Variants in METTL4 observed in about 807,000 individuals in gnomAD.
The protein encoded by METTL4 is methyltransferase 4, N6-adenosine.
A neutral mutation model predicts 54.0 loss-of-function variants in METTL4; 40 were observed. The ratio of observed to expected loss-of-function variants is 0.74; its 90% CI spans 0.58 to 0.96. The LOEUF (loss-of-function observed/expected upper bound fraction) is 0.96. Among genes scored for constraint, METTL4 ranks in the 50% least tolerant of loss-of-function variants. METTL4 has a pLI of 0.00. For synonymous variants in METTL4, 169 were observed against 183.8 expected (o/e 0.92, Z 0.65); for missense variants, 525 against 549.0 (o/e 0.96, Z 0.44).
chr18:2,545,260 C>T (rs1165503471), intron 6 of METTL4, among the ~76,000 whole-genome samples: 1 of 152,034 alleles, frequency 6.6e-6, no homozygotes, highest in Non-Finnish European at 1.5e-5. Context: ...CTACTCTTAA[C>T]TAAAATTGAT....
intron 5 of METTL4, among the ~76,000 whole-genome samples, chr18:2,549,406 A>G (rs2072118722): frequency 6.6e-6 from 1 of 152,152 alleles, no homozygotes; most frequent in Non-Finnish European, 1.5e-5. Context: ...AGAGGAGAGG[A>G]AAAGGTGTGG....
At chr18:2,559,867 CTGGGGTTA>C (rs1364055088) in intron 3 of METTL4, among the ~76,000 whole-genome samples, 7 of 152,112 alleles carry the variant, frequency 4.6e-5, no homozygotes, top group Middle Eastern at 3.2e-3. Flanking sequence ...TCCCAAGTAG[CTGGGGTTA>C]TAGGTGCCCA....
At chr18:2,539,899 A>G in intron 8 of METTL4, 1 of 952,958 alleles carries the variant, frequency 1.0e-6, no homozygotes, top group Non-Finnish European at 1.2e-6. Flanking sequence ...CTTTAATAAA[A>G]TAATAATAAA....
chr18:2,540,614 T>A, intron 8 of METTL4: 1 of 985,410 alleles, frequency 1.0e-6, no homozygotes, highest in Non-Finnish European at 1.2e-6. Flanking sequence ...TAGGAGATAC[T>A]GGCACGAAGG....
At chr18:2,546,904 C>T (rs992414055) in intron 6 of METTL4, among the ~76,000 whole-genome samples, 1 of 152,120 alleles carries the variant, frequency 6.6e-6, no homozygotes, top group Non-Finnish European at 1.5e-5. Flanking sequence ...TTCCCATCCC[C>T]TCTACAATGG....
In METTL4 at chr18:2,552,682, C is replaced by T. The variant is rs2072179902; in HGVS notation, c.899+13G>A. On this transcript the variant is annotated intron_variant, in intron 5 of 8. Coordinates refer to ENST00000574538, the MANE Select transcript of METTL4 (RefSeq NM_022840.5). ...AGTTTTTTTAGAAAGCAAATGCTTT[C>T]ATTTCCACTTACCTATTACTTCTTT... is the stretch of plus-strand genomic sequence containing the variant. 6.3e-7 allele frequency: 1 copy of T among 1,592,022 alleles called. No homozygotes were observed. Among genetic ancestry groups the T allele is most frequent in the Admixed American group, 1.7e-5 (1 of 59,380 alleles).
Position 2,554,738 on chromosome 18 carries a change from T to C in METTL4, c.760A>G (p.Lys254Glu). The C allele has an allele frequency of 6.2e-7, 1 of 1,612,776 alleles. No homozygotes were observed. Among genetic ancestry groups the C allele is most frequent in the Non-Finnish European group, 8.5e-7 (1 of 1,179,570 alleles). Residue 254 changes from lysine to glutamate, a missense_variant, in exon 4 of 9, where the codon AAA becomes GAA. Lys to Glu is a moderately conservative substitution (Grantham distance 56). Coordinates refer to ENST00000574538, the MANE Select transcript of METTL4 (RefSeq NM_022840.5). The part of the protein sequence containing the change: ...FTKVITLMGQ[K>E]YLLPPKSSFL... ...CTGCTTTTCGGTGGTAGCAGGTATTTCTGTCCCATTAAAGTAATCACTTTT... is the reference window on the plus strand; with the variant it reads ...CTGCTTTTCGGTGGTAGCAGGTATTCCTGTCCCATTAAAGTAATCACTTTT...
chr18:2,563,807 T>C lies in METTL4; in HGVS notation c.449A>G (p.Tyr150Cys). ...ACATTTTACACTTACCTTTGTATGG[T>C]ATTCCATAGCATCCAATTCACCTTG... is the stretch of plus-strand genomic sequence containing the variant. The part of the protein sequence containing the change: ...FNQGELDAME[Y>C]HTKIRELILD... Residue 150 changes from tyrosine to cysteine, a missense_variant, in exon 3 of 9, where the codon TAC becomes TGC. By Grantham distance (194) the Tyr-to-Cys change is radical (BLOSUM62 -2). Transcript: ENST00000574538. 1 of 1,608,822 alleles carries C rather than the reference T, an allele frequency of 6.2e-7. No homozygotes were observed. Among genetic ancestry groups the C allele is most frequent in the South Asian group, 1.1e-5 (1 of 90,268 alleles).
At chr18:2,565,777 A>G (rs1248814366) in intron 2 of METTL4, among the ~76,000 whole-genome samples, 1 of 152,142 alleles carries the variant, frequency 6.6e-6, no homozygotes, top group East Asian at 1.9e-4. Flanking sequence ...ATCACTAAAA[A>G]AGAAAATGTT....
intron 2 of METTL4, 71 bp downstream of exon 2, chr18:2,566,750 T>G: frequency 8.1e-7 from 1 of 1,237,660 alleles, no homozygotes; most frequent in Non-Finnish European, 1.1e-6. Context: ...CACCAGATAT[T>G]TAAGACATTT....
intron 5 of METTL4, among the ~76,000 whole-genome samples, chr18:2,549,819 TAAAAAAAA>T: frequency 1.3e-5 from 1 of 79,066 alleles, no homozygotes; most frequent in South Asian, 5.6e-4. Flanking sequence ...CCATCTCTAC[TAAAAAAAA>T]AAAAAAAAAA....
chr18:2,565,612 T>C (rs1285479781), intron 2 of METTL4, among the ~76,000 whole-genome samples: 1 of 152,210 alleles, frequency 6.6e-6, no homozygotes, highest in East Asian at 1.9e-4. Context: ...CTTATTCTAA[T>C]TCTCAACAAA....
At chr18:2,542,254 G>A (rs565233627) in intron 8 of METTL4, among the ~76,000 whole-genome samples, 108 of 151,160 alleles carry the variant, frequency 7.1e-4, no homozygotes, top group African/African-American at 2.5e-3. Flanking sequence ...TGTGCACATT[G>A]TGCAGGTTAG....
intron 4 of METTL4, chr18:2,554,326 T>C (rs765804215): frequency 2.5e-5 from 5 of 203,660 alleles, no homozygotes; most frequent in Admixed American, 1.8e-4. Flanking sequence ...GATGTGGGAA[T>C]TGATATTCAT....
intron 3 of METTL4, among the ~76,000 whole-genome samples, chr18:2,557,754 G>C (rs1029673302): frequency 6.6e-6 from 1 of 152,182 alleles, no homozygotes; most frequent in Non-Finnish European, 1.5e-5. Context: ...GGGAGCCTGT[G>C]AGCATAAAGC....
intron 7 of METTL4, 136 bp downstream of exon 7, chr18:2,544,517 A>G: frequency 1.5e-6 from 1 of 653,698 alleles, no homozygotes; most frequent in South Asian, 2.1e-5. Context: ...GTGCCATACC[A>G]TCCATTCTTT....
chr18:2,554,740 T>G lies in METTL4; in HGVS notation c.758A>C (p.Gln253Pro). ...SFTKVITLMG[Q>P]KYLLPPKSSF... ...GCTTTTCGGTGGTAGCAGGTATTTC[T>G]GTCCCATTAAAGTAATCACTTTTGT... is the stretch of plus-strand genomic sequence containing the variant. The change falls in exon 4 of 9, where the codon CAG becomes CCG. Residue 253 changes from glutamine to proline, a missense_variant. Coordinates refer to ENST00000574538, the MANE Select transcript of METTL4 (RefSeq NM_022840.5). The G allele has an allele frequency of 6.2e-7, 1 of 1,612,698 alleles. No individual in the cohort carries two copies. Among genetic ancestry groups the G allele is most frequent in the Non-Finnish European group, 8.5e-7 (1 of 1,179,586 alleles).
Position 2,538,888 on chromosome 18 carries a change from C to A in METTL4, c.*112G>T. 1 of 1,204,082 alleles carries A rather than the reference C, an allele frequency of 8.3e-7. No homozygotes were observed. Among genetic ancestry groups the A allele is most frequent in the Non-Finnish European group, 1.2e-6 (1 of 861,384 alleles). 74.6% of individuals were successfully genotyped at this position (1,204,082 alleles called of 1,614,324 possible). On this transcript the variant is annotated 3_prime_UTR_variant, in exon 9 of 9. Coordinates refer to ENST00000574538, the MANE Select transcript of METTL4 (RefSeq NM_022840.5). Reference sequence around the variant, plus strand: ...GGTCCCTTACTGAAAAAAACAAGTCCTGTTTATATTCTAAGAATATGGGTT... The same window carrying A: ...GGTCCCTTACTGAAAAAAACAAGTCATGTTTATATTCTAAGAATATGGGTT...
intron 1 of METTL4, among the ~76,000 whole-genome samples, chr18:2,570,752 A>C (rs896414659): frequency 8.5e-5 from 13 of 152,168 alleles, no homozygotes; most frequent in African/African-American, 3.1e-4. Context: ...CAAGCTGCCC[A>C]AAAATAACAA....
Sources: gnomAD v4.1 joint callset for allele counts (sites outside exome capture counted in the v4.1 genomes callset) on GRCh38, gnomAD v4.1.1 for gene constraint, MANE v1.5 for transcripts, NCBI Gene and HGNC (gene_info 2026-07-23, HGNC 2026-07-21) for gene names.